The following LRP1B variants were observed in gnomAD, a reference collection of about 807,000 sequenced individuals.
The protein encoded by LRP1B is low-density lipoprotein receptor-related protein 1B.
LRP1B carries 217 observed loss-of-function variants against 556.6 expected under a neutral mutation model. The observed-to-expected ratio is 0.39, with a 90% CI of 0.35 to 0.44. The LOEUF (loss-of-function observed/expected upper bound fraction) is 0.44, where lower values mean the gene tolerates loss of function less well. LRP1B is among the 20% of genes least tolerant of loss of function. LRP1B has a pLI of 1.00. For missense variants in LRP1B, 5,053 were observed against 5,620.8 expected (o/e 0.90, Z 3.23); for synonymous variants, 2,047 against 1,865.8 (o/e 1.10, Z -2.50).
chr2:140,533,941 G>C, intron 47 of LRP1B, 80 bp downstream of exon 47: 1 of 1,498,900 alleles, frequency 6.7e-7, no homozygotes, highest in Non-Finnish European at 9.2e-7. Context: ...ATGCCACAGA[G>C]CTCTCAGAAA....
intron 51 of LRP1B, among the ~76,000 whole-genome samples, chr2:140,514,181 ACTTTC>A (rs1338581594): frequency 6.6e-6 from 1 of 151,982 alleles, no homozygotes; most frequent in Non-Finnish European, 1.5e-5. Flanking sequence ...TAAAATAGCC[ACTTTC>A]CTTTACTTCT....
At chr2:140,888,649 G>A (rs192949205) in intron 23 of LRP1B, among the ~76,000 whole-genome samples, 2 of 151,968 alleles carry the variant, frequency 1.3e-5, no homozygotes, top group African/African-American at 2.4e-5. Context: ...TTAGAGAAAT[G>A]TGTTAGCAAA....
intron 20 of LRP1B, among the ~76,000 whole-genome samples, chr2:140,948,807 C>T (rs1437509314): frequency 6.6e-6 from 1 of 151,966 alleles, no homozygotes; most frequent in Non-Finnish European, 1.5e-5. Context: ...CTCTTATAAT[C>T]CAAGTTCTCC....
intron 47 of LRP1B, among the ~76,000 whole-genome samples, chr2:140,526,721 T>G (rs1690453841): frequency 6.7e-6 from 1 of 148,796 alleles, no homozygotes; most frequent in Non-Finnish European, 1.5e-5. Context: ...AAAAGAATGT[T>G]GCTGGAAATT....
intron 32 of LRP1B, among the ~76,000 whole-genome samples, chr2:140,801,358 C>T (rs1311560672): frequency 3.9e-5 from 6 of 152,028 alleles, no homozygotes; most frequent in African/African-American, 1.5e-4. Context: ...AGGGAACACA[C>T]TCAAGGAACA....
chr2:140,842,200 G>A (rs1019751450), intron 29 of LRP1B, among the ~76,000 whole-genome samples: 3 of 152,140 alleles, frequency 2.0e-5, no homozygotes, highest in Non-Finnish European at 2.9e-5. Flanking sequence ...CAGAAAGCTA[G>A]ATTTTTTAAT....
chr2:142,049,922 G>A (rs1033770084), intron 1 of LRP1B, among the ~76,000 whole-genome samples: 1 of 152,112 alleles, frequency 6.6e-6, no homozygotes, highest in African/African-American at 2.4e-5. Context: ...CAGAGTAAAA[G>A]TAAATAAGCA....
intron 1 of LRP1B, among the ~76,000 whole-genome samples, chr2:141,875,552 T>C (rs1196765731): frequency 1.3e-5 from 2 of 152,022 alleles, no homozygotes; most frequent in African/African-American, 4.8e-5. Context: ...TTCCTTTAGG[T>C]CTTAAGCAAT....
chr2:141,937,353 C>T (rs905411538), intron 1 of LRP1B, among the ~76,000 whole-genome samples: 1 of 151,496 alleles, frequency 6.6e-6, no homozygotes, highest in Non-Finnish European at 1.5e-5. Flanking sequence ...CCACTGCACT[C>T]CAGCCTGGGC....
At chr2:141,466,235 C>T (rs976466454) in intron 3 of LRP1B, among the ~76,000 whole-genome samples, 1 of 152,134 alleles carries the variant, frequency 6.6e-6, no homozygotes, top group Non-Finnish European at 1.5e-5. Context: ...GTCAGTGATA[C>T]TGTCCAAACC....
chr2:140,389,573 T>C (rs1161800042), intron 66 of LRP1B, among the ~76,000 whole-genome samples: 6 of 150,810 alleles, frequency 4.0e-5, no homozygotes, highest in Non-Finnish European at 8.9e-5. Context: ...GCAAAATTTA[T>C]ATATGATTTT....
chr2:140,382,993 T>C (rs1358685418), intron 67 of LRP1B, among the ~76,000 whole-genome samples: 1 of 152,198 alleles, frequency 6.6e-6, no homozygotes, highest in African/African-American at 2.4e-5. Flanking sequence ...CTACGAGCAA[T>C]TAGCTGAACC....
intron 1 of LRP1B, among the ~76,000 whole-genome samples, chr2:141,967,249 C>A (rs1372732955): frequency 6.6e-6 from 1 of 151,876 alleles, no homozygotes; most frequent in Non-Finnish European, 1.5e-5. Context: ...GGTGAACAAA[C>A]TCCCAAGTTC....
rs564498612 is a variant in LRP1B, at chr2:141,722,131, A to T, written c.205+88148T>A. The stretch of plus-strand genomic sequence containing the variant: ...GGTGGCTCATGCCTCTAATCTCAGC[A>T]CTTTGGTAGGCCTAGACAGGTGGAC... On this transcript the variant is annotated intron_variant, in intron 2 of 90. Transcript: ENST00000389484. 2.0e-3 allele frequency among the ~76,000 whole-genome samples: 310 copies of T among 152,176 alleles called. 2 individuals are homozygous for T. Among genetic ancestry groups the T allele is most frequent in the Non-Finnish European group, 3.2e-3 (215 of 67,986 alleles).
intron 3 of LRP1B, among the ~76,000 whole-genome samples, chr2:141,466,950 GATATAT>G (rs59093011): frequency 7.2e-4 from 101 of 140,510 alleles, no homozygotes; most frequent in Non-Finnish European, 8.0e-4. Flanking sequence ...GTGCTCAGGG[GATATAT>G]ATATATATAT....
At chr2:140,775,196 G>T (rs140980270) in intron 33 of LRP1B, among the ~76,000 whole-genome samples, 1 of 152,092 alleles carries the variant, frequency 6.6e-6, no homozygotes, top group East Asian at 1.9e-4. Context: ...ATCTCCTGAT[G>T]TGCAGGCAGC....
chr2:141,118,433 C>T (rs1295565362), intron 7 of LRP1B, among the ~76,000 whole-genome samples: 1 of 151,846 alleles, frequency 6.6e-6, no homozygotes, highest in Non-Finnish European at 1.5e-5. Context: ...TTTAACAAAA[C>T]ACATCATTCT....
chr2:140,752,794 C>T (rs1688625913), intron 35 of LRP1B, among the ~76,000 whole-genome samples: 1 of 152,142 alleles, frequency 6.6e-6, no homozygotes, highest in Non-Finnish European at 1.5e-5. Context: ...ATATCCCTTG[C>T]TTCCACATAT....
chr2:140,334,663 C>G, intron 78 of LRP1B, 104 bp from the exon 79 acceptor site: 1 of 587,302 alleles, frequency 1.7e-6, no homozygotes, highest in Non-Finnish European at 3.0e-6. Flanking sequence ...TCAGAATCAC[C>G]CCAGAGTCTC....
Sources: allele counts gnomAD v4.1 joint callset (sites outside exome capture counted in the v4.1 genomes callset), GRCh38; gene constraint gnomAD v4.1.1; transcripts MANE v1.5; gene names NCBI Gene and HGNC (gene_info 2026-07-23, HGNC 2026-07-21).